The following KCNQ5 variants were observed in gnomAD, a reference collection of about 807,000 sequenced individuals.
KCNQ5 encodes potassium voltage-gated channel subfamily Q member 5.
In KCNQ5, 30 loss-of-function variants were observed where a neutral mutation model predicts 98.2. The observed-to-expected ratio is 0.31, with a 90% confidence interval of 0.23 to 0.41. KCNQ5 has a LOEUF of 0.41. Ranked by LOEUF, KCNQ5 falls within the 10% of genes least tolerant of loss-of-function variation. KCNQ5 has a pLI of 1.00. For missense variants in KCNQ5, 835 were observed against 1,182.5 expected, an observed-to-expected ratio of 0.71 and a Z score of 4.31; for synonymous variants, 458 against 449.4, an observed-to-expected ratio of 1.02 and a Z score of -0.24.
At chr6:73,043,708 T>A (rs1000761883) in intron 3 of KCNQ5, among the ~76,000 whole-genome samples, 1 of 152,252 alleles carries the variant, frequency 6.6e-6, no homozygotes, top group African/African-American at 2.4e-5. Flanking sequence ...GAAAAATGTT[T>A]CATTCCAGAT....
chr6:73,114,876 T>C (rs911749378), intron 7 of KCNQ5, among the ~76,000 whole-genome samples: 16 of 152,180 alleles, frequency 1.1e-4, no homozygotes, highest in African/African-American at 3.9e-4. Context: ...AAAATATATA[T>C]ATTTGTCTTG....
In KCNQ5 at chr6:72,746,355, T is replaced by G. The variant is rs73753890; in HGVS notation, c.398+123768T>G. Among the ~76,000 whole-genome samples, 1,105 of 152,318 alleles carry G rather than the reference T, an allele frequency of 7.3e-3. 13 individuals carry two copies. The highest frequency in any genetic ancestry group is 0.025 in the African/African-American group (1,056 of 41,574). ...TTGACCTGCCCCAAGACCTGGTTTCTTGATACCCAGTCTTCTCTTTCTCAT... is the reference window on the plus strand; with the variant it reads ...TTGACCTGCCCCAAGACCTGGTTTCGTGATACCCAGTCTTCTCTTTCTCAT... On this transcript the variant is annotated intron_variant, in intron 1 of 13. Coordinates refer to ENST00000370398, the MANE Select transcript of KCNQ5 (RefSeq NM_019842.4).
chr6:73,134,212 G>A lies in KCNQ5; in HGVS notation c.1468+571G>A, dbSNP rs956072505. 8.2e-5 allele frequency: 19 copies of A among 231,590 alleles called. No homozygotes were observed. In the East Asian group the frequency reaches 1.4e-3, roughly 17 times the overall value. 14.3% of individuals were successfully genotyped at this position (231,590 alleles called of 1,614,324 possible). A position where few individuals can be genotyped will look rare whatever the true frequency, so the allele number is the denominator to read the frequency against. On this transcript the variant is annotated intron_variant, in intron 10 of 13. Transcript: ENST00000370398. The stretch of plus-strand genomic sequence containing the variant: ...AAAATTCAAGTTCTTCTCCCAAGAG[G>A]AATTAACCTATTTTATTTATCATAT...
intron 3 of KCNQ5, among the ~76,000 whole-genome samples, chr6:73,058,712 A>G (rs558258554): frequency 3.3e-5 from 5 of 152,374 alleles, no homozygotes; most frequent in Admixed American, 1.3e-4. Flanking sequence ...AAACAAATTT[A>G]TAAGCAAAAA....
chr6:72,945,428 G>A lies in KCNQ5; in HGVS notation c.399-58480G>A, dbSNP rs377381863. Among the ~76,000 whole-genome samples the A allele has an allele frequency of 2.4e-3, 243 of 103,044 alleles. 2 individuals carry two copies. The highest frequency in any genetic ancestry group is 9.1e-3 in the African/African-American group (222 of 24,432). The allele number at this position is 103,044 out of a possible 152,430, so 67.6% of individuals were successfully genotyped here. On this transcript the variant is annotated intron_variant, in intron 1 of 13. Coordinates refer to ENST00000370398, the MANE Select transcript of KCNQ5 (RefSeq NM_019842.4). ...CACCCCCCACCCCACGACAGGCCCC[G>A]GTGTGTGATGTTCCCCTTCCTGTGT...
chr6:73,107,733 G>T (rs1005172490), intron 6 of KCNQ5, among the ~76,000 whole-genome samples: 41 of 152,226 alleles, frequency 2.7e-4, no homozygotes, highest in Middle Eastern at 3.4e-3. Flanking sequence ...AAGTAAGTAT[G>T]AAATTTTTAT....
intron 1 of KCNQ5, among the ~76,000 whole-genome samples, chr6:72,933,532 C>T (rs894989012): frequency 1.3e-5 from 2 of 152,156 alleles, no homozygotes. Flanking sequence ...GCTCTGAGTA[C>T]TTATTAATGA....
intron 1 of KCNQ5, among the ~76,000 whole-genome samples, chr6:72,963,559 A>G (rs1351395089): frequency 1.3e-5 from 2 of 152,230 alleles, no homozygotes; most frequent in Non-Finnish European, 2.9e-5. Flanking sequence ...ATAAATATAC[A>G]TTGCTTAAAT....
intron 1 of KCNQ5, among the ~76,000 whole-genome samples, chr6:72,875,744 C>T (rs1562040175): frequency 6.6e-6 from 1 of 151,942 alleles, no homozygotes. Flanking sequence ...ATTTTTGCAT[C>T]AGAAATATTA....
chr6:72,638,637 A>ATT (rs368365999), intron 1 of KCNQ5, among the ~76,000 whole-genome samples: 22 of 150,326 alleles, frequency 1.5e-4, no homozygotes, highest in South Asian at 1.1e-3. Flanking sequence ...GCAAATACCT[A>ATT]TTTTTTTTTT....
intron 1 of KCNQ5, among the ~76,000 whole-genome samples, chr6:72,788,055 C>G (rs533903912): frequency 2.0e-5 from 3 of 152,246 alleles, no homozygotes; most frequent in South Asian, 4.1e-4. Flanking sequence ...GCATTTCCAG[C>G]CTGACATCAA....
Position 72,622,162 on chromosome 6 carries a change from G to A in KCNQ5, c.-28G>A. 2 of 1,217,636 alleles carry A rather than the reference G, an allele frequency of 1.6e-6. No individual in the cohort carries two copies. The highest frequency in any genetic ancestry group is 8.3e-5 in the South Asian group (2 of 24,206). The allele number at this position is 1,217,636 out of a possible 1,614,324, so 75.4% of individuals were successfully genotyped here. A position where few individuals can be genotyped will look rare whatever the true frequency, so the allele number is the denominator to read the frequency against. ...GCTGCCCCCGCCGCAGGCGCTGGCGGCCCCCTCGCGGTGCCCGTGGTGATG... is the reference window on the plus strand; with the variant it reads ...GCTGCCCCCGCCGCAGGCGCTGGCGACCCCCTCGCGGTGCCCGTGGTGATG... On this transcript the variant is annotated 5_prime_UTR_variant, in exon 1 of 14. Coordinates refer to ENST00000370398, the MANE Select transcript of KCNQ5 (RefSeq NM_019842.4). This position sits in a 1 kb window ranked among gnomAD's most constrained non-coding sequence, Gnocchi z 6.0.
intron 1 of KCNQ5, among the ~76,000 whole-genome samples, chr6:73,002,626 T>C (rs1214977910): frequency 6.6e-6 from 1 of 152,022 alleles, no homozygotes; most frequent in East Asian, 1.9e-4. Context: ...AAGGAATAAA[T>C]GTGGTGGGGT....
chr6:73,133,895 C>T (rs1184134220), intron 10 of KCNQ5: 1 of 616,202 alleles, frequency 1.6e-6, no homozygotes, highest in Non-Finnish European at 3.1e-6. Context: ...TAATTCTTCA[C>T]TTGTATCTAC....
chr6:72,825,126 A>AAAAAC (rs1294859223), intron 1 of KCNQ5, among the ~76,000 whole-genome samples: 1 of 151,930 alleles, frequency 6.6e-6, no homozygotes, highest in African/African-American at 2.4e-5. Flanking sequence ...CTAGGGAGAA[A>AAAAAC]AAAACAAAAC....
intron 10 of KCNQ5, chr6:73,157,879 T>A: frequency 1.3e-6 from 1 of 778,148 alleles, no homozygotes; most frequent in Non-Finnish European, 2.4e-6. Flanking sequence ...TAAGCGAATA[T>A]CGTTCAGCGC....
chr6:73,084,499 G>T (rs949142438), intron 5 of KCNQ5, among the ~76,000 whole-genome samples: 1 of 152,122 alleles, frequency 6.6e-6, no homozygotes, highest in African/African-American at 2.4e-5. Flanking sequence ...AGTCACTGAC[G>T]TACGCAGTTT....
chr6:72,883,103 C>G (rs931228517), intron 1 of KCNQ5, among the ~76,000 whole-genome samples: 2 of 152,148 alleles, frequency 1.3e-5, no homozygotes, highest in African/African-American at 4.8e-5. Flanking sequence ...CTTATGTTCA[C>G]CAATCTTCTT....
At chr6:72,639,789 A>G (rs1199398457) in intron 1 of KCNQ5, among the ~76,000 whole-genome samples, 1 of 152,166 alleles carries the variant, frequency 6.6e-6, no homozygotes, top group Non-Finnish European at 1.5e-5. Flanking sequence ...AGAATGGTAG[A>G]TTAGGAATCA....
Sources: allele counts gnomAD v4.1 joint callset (sites outside exome capture counted in the v4.1 genomes callset), GRCh38; gene constraint gnomAD v4.1.1; non-coding constraint Gnocchi (gnomAD v3.1); transcripts MANE v1.5; gene names NCBI Gene and HGNC (gene_info 2026-07-23, HGNC 2026-07-21).